The following TP63 variants were observed in gnomAD, a reference collection of about 807,000 sequenced individuals.
TP63 encodes tumor protein 63.
A neutral mutation model predicts 82.8 loss-of-function variants in TP63; 17 were observed. The observed-to-expected ratio is 0.21, with a 90% CI of 0.14 to 0.31. The LOEUF (loss-of-function observed/expected upper bound fraction) is 0.31. Ranked by LOEUF, TP63 falls within the 10% of genes least tolerant of loss-of-function variation. The pLI is 1.00. For synonymous variants in TP63, 330 were observed against 321.7 expected, an observed-to-expected ratio of 1.03 and a Z score of -0.28; for missense variants, 648 against 895.3, an observed-to-expected ratio of 0.72 and a Z score of 3.52.
At chr3:189,690,039 C>G (rs917310967) in intron 1 of TP63, among the ~76,000 whole-genome samples, 1 of 152,154 alleles carries the variant, frequency 6.6e-6, no homozygotes, top group African/African-American at 2.4e-5. Flanking sequence ...CTGAAGGTCC[C>G]AAACAATTAA....
chr3:189,829,989 C>A (rs77473380), intron 4 of TP63: 1 of 291,410 alleles, frequency 3.4e-6, no homozygotes. Context: ...TATTGTACAT[C>A]GGATGAGCTG....
upstream of TP63, among the ~76,000 whole-genome samples, chr3:189,626,509 T>C (rs1729323232): frequency 6.6e-6 from 1 of 152,196 alleles, no homozygotes; most frequent in Admixed American, 6.5e-5. Context: ...GCCAGAGCTC[T>C]ACGGAACATG....
At chr3:189,828,206 G>A (rs578100549) in intron 4 of TP63, among the ~76,000 whole-genome samples, 4 of 150,822 alleles carry the variant, frequency 2.7e-5, no homozygotes, top group Non-Finnish European at 4.4e-5. Flanking sequence ...GTGCCGCTGT[G>A]CTCCAGCCTG....
chr3:189,878,575 A>G (rs2108836092), intron 10 of TP63, among the ~76,000 whole-genome samples: 1 of 137,046 alleles, frequency 7.3e-6, no homozygotes, highest in Non-Finnish European at 1.5e-5. Context: ...TTTGATATAT[A>G]TATATAATTT....
Position 189,737,837 on chromosome 3 carries a change from G to A in TP63, c.160G>A (p.Val54Ile). Reference protein sequence around the residue: ...TQTNEFLSPEVFQHIWDFLEQ... With the variant: ...TQTNEFLSPEIFQHIWDFLEQ... ...GACAAATGAATTCCTCAGTCCAGAG[G>A]TTTTCCAGCATATCTGGGATTTTCT... The change falls in exon 2 of 14, where the codon GTT becomes ATT. Residue 54 changes from valine to isoleucine, a missense_variant. Transcript: ENST00000264731. The A allele has an allele frequency of 1.2e-6, 2 of 1,613,940 alleles. No homozygotes were observed. The highest frequency in any genetic ancestry group is 1.7e-6 in the Non-Finnish European group (2 of 1,179,874).
At chr3:189,837,215 TTTTCTC>T (rs1713284440) in intron 4 of TP63, among the ~76,000 whole-genome samples, 1 of 151,922 alleles carries the variant, frequency 6.6e-6, no homozygotes, top group African/African-American at 2.4e-5. Flanking sequence ...AACATTTTTT[TTTTCTC>T]TCTCTCTCTC....
At chr3:189,708,027 T>C (rs1718329025) in intron 1 of TP63, among the ~76,000 whole-genome samples, 1 of 152,246 alleles carries the variant, frequency 6.6e-6, no homozygotes, top group African/African-American at 2.4e-5. Flanking sequence ...TGTCGTTCCA[T>C]TGCCTTTTAT....
Position 189,890,054 on chromosome 3 carries a change from A to C in TP63, c.1652+570A>C, listed in dbSNP as rs532525078. Among the ~76,000 whole-genome samples the C allele has an allele frequency of 2.9e-4, 44 of 152,370 alleles. No homozygotes were observed. In the South Asian group the frequency reaches 6.8e-3, roughly 24 times the overall value. ...AAGAAAGAAATGCATGAAGCCTGAA[A>C]GATTTGCTTCCCACAGAGGCAAGAG... is the stretch of plus-strand genomic sequence containing the variant. On this transcript the variant is annotated intron_variant, in intron 12 of 13. Transcript: ENST00000264731.
At chr3:189,677,563 T>C (rs1322742243) in intron 1 of TP63, among the ~76,000 whole-genome samples, 1 of 151,694 alleles carries the variant, frequency 6.6e-6, no homozygotes, top group Non-Finnish European at 1.5e-5. Context: ...AATGTACAAA[T>C]GCAGGCATCT....
intron 13 of TP63, among the ~76,000 whole-genome samples, chr3:189,892,245 C>G (rs1048019561): frequency 5.9e-5 from 9 of 152,306 alleles, no homozygotes; most frequent in Middle Eastern, 3.4e-3. Context: ...TTTCCACTTG[C>G]TCACTTATTT....
chr3:189,811,924 G>T (rs920547210), intron 4 of TP63, among the ~76,000 whole-genome samples: 1 of 152,192 alleles, frequency 6.6e-6, no homozygotes, highest in Non-Finnish European at 1.5e-5. Context: ...AACTGGTAAA[G>T]AAATTTTTTG....
At chr3:189,714,216 A>G (rs186926238) in intron 1 of TP63, among the ~76,000 whole-genome samples, 329 of 152,270 alleles carry the variant, frequency 2.2e-3, no homozygotes, top group African/African-American at 7.5e-3. Flanking sequence ...ACTTTGGGAA[A>G]GGTACTATTA....
At chr3:189,844,592 A>T (rs1029963958) in intron 4 of TP63, among the ~76,000 whole-genome samples, 1 of 152,150 alleles carries the variant, frequency 6.6e-6, no homozygotes, top group Non-Finnish European at 1.5e-5. Context: ...AACACTTTTT[A>T]AACATTACAT....
chr3:189,646,783 G>T (rs906503876), intron 1 of TP63, among the ~76,000 whole-genome samples: 1 of 147,322 alleles, frequency 6.8e-6, no homozygotes, highest in Non-Finnish European at 1.5e-5. Flanking sequence ...AAATAAATCT[G>T]GTTTGAGGCT....
the TP63 span, among the ~76,000 whole-genome samples, chr3:189,625,884 C>A: frequency 3.3e-5 from 5 of 152,162 alleles, no homozygotes; most frequent in African/African-American, 4.8e-5. Flanking sequence ...TGGAGGGTAT[C>A]AGGTTTGTCT....
chr3:189,804,896 C>T (rs1272219986), intron 3 of TP63, among the ~76,000 whole-genome samples: 1 of 152,164 alleles, frequency 6.6e-6, no homozygotes, highest in Non-Finnish European at 1.5e-5. Flanking sequence ...TGTGTTTTCC[C>T]ACTTTGATTG....
At position 189,895,983 on chromosome 3, in the gene TP63, G is replaced by A. The variant is rs1721437126; in HGVS notation, c.*1481G>A. 1 of 229,512 alleles carries A rather than the reference G, an allele frequency of 4.4e-6. No homozygotes were observed. The highest frequency in any genetic ancestry group is 2.2e-5 in the African/African-American group (1 of 45,140). The allele number at this position is 229,512 out of a possible 1,614,324, so 14.2% of individuals were successfully genotyped here. ...CATGAAAGGTCCCCACAGAGCAAGA[G>A]ATAAGTCTTTCATGGCTGCTGTTGC... On this transcript the variant is annotated 3_prime_UTR_variant, in exon 14 of 14. Transcript: ENST00000264731.
chr3:189,652,294 T>C (rs1712964423), intron 1 of TP63, among the ~76,000 whole-genome samples: 1 of 147,024 alleles, frequency 6.8e-6, no homozygotes, highest in Admixed American at 6.7e-5. Flanking sequence ...TATCAGCGTG[T>C]CCTGGATGTG....
intron 1 of TP63, among the ~76,000 whole-genome samples, chr3:189,666,276 A>G (rs1714383960): frequency 6.6e-6 from 1 of 152,118 alleles, no homozygotes; most frequent in Admixed American, 6.6e-5. Flanking sequence ...TATGCTTTTA[A>G]AAATGTGACC....
Sources: gnomAD v4.1 joint callset for allele counts (sites outside exome capture counted in the v4.1 genomes callset) on GRCh38, gnomAD v4.1.1 for gene constraint, MANE v1.5 for transcripts, NCBI Gene and HGNC (gene_info 2026-07-23, HGNC 2026-07-21) for gene names.